Variants in SREK1 observed in about 807,000 individuals in gnomAD.
The protein encoded by SREK1 is splicing regulatory glutamic acid and lysine rich protein 1, also known as splicing regulatory glutamine/lysine-rich protein 1.
A neutral mutation model predicts 66.5 loss-of-function variants in SREK1; 13 were observed. That is an observed-to-expected ratio of 0.20 (90% CI 0.13 to 0.31). SREK1 has a LOEUF of 0.31. SREK1 is among the 10% of genes least tolerant of loss of function. The pLI, the probability that SREK1 is intolerant of heterozygous loss-of-function variation, is 1.00. For synonymous variants in SREK1, 265 were observed against 263.5 expected (o/e 1.01, Z -0.05); for missense variants, 607 against 769.6 (o/e 0.79, Z 2.50).
At chr5:66,164,669 G>T (rs754438273) in intron 6 of SREK1, 114 bp from the exon 7 acceptor site, 1 of 1,596,544 alleles carries the variant, frequency 6.3e-7, no homozygotes, top group African/African-American at 1.3e-5. Context: ...GGAGGAGGAT[G>T]TACAGAGAGT....
chr5:66,174,743 A>C, intron 9 of SREK1: 1 of 423,824 alleles, frequency 2.4e-6, no homozygotes, highest in Non-Finnish European at 4.2e-6. Flanking sequence ...TGATGTTTTC[A>C]TCAGTCTGTA....
At position 66,144,407 on chromosome 5, in the gene SREK1, T is replaced by G; in HGVS notation, c.31T>G (p.Leu11Val). 2 of 1,550,950 alleles carry G rather than the reference T, an allele frequency of 1.3e-6. No individual in the cohort carries two copies. The highest frequency in any genetic ancestry group is 1.7e-6 in the Non-Finnish European group (2 of 1,146,666). Residue 11 changes from leucine to valine, a missense_variant, in exon 1 of 12, where the codon TTA (leucine) becomes GTA (valine). Around this residue, in one of 5 missense-constraint regions of SREK1, gnomAD observed 75 missense variants for 72.9 expected, o/e 1.03. Transcript: ENST00000334121. ...CAGCGGCGGCGGCTTCGGTTTGGGC[T>G]TAGGCTTCGGCCTCACCCCCACGTC... is the stretch of plus-strand genomic sequence containing the variant. MNSGGGFGLG[L>V]GFGLTPTSVI...
intron 1 of SREK1, among the ~76,000 whole-genome samples, chr5:66,149,106 C>T (rs1021632852): frequency 3.9e-5 from 6 of 152,302 alleles, no homozygotes; most frequent in South Asian, 2.1e-4. Flanking sequence ...GTAATCCCAG[C>T]GCTTTGGGAA....
In SREK1 at chr5:66,144,790, A is replaced by G. The variant is rs1743008752; in HGVS notation, c.161+253A>G. The stretch of plus-strand genomic sequence containing the variant: ...TGGTTGCCCTTTCTGTGCCTCCGGG[A>G]CTTGTGTTCGCTGCTGGGTCTTCGA... On this transcript the variant is annotated intron_variant, in intron 1 of 11. Coordinates refer to ENST00000334121, the MANE Select transcript of SREK1 (RefSeq NM_001077199.3). 15 of 1,203,010 alleles carry G rather than the reference A, an allele frequency of 1.2e-5. 1 individual carries two copies. In the South Asian group the frequency reaches 3.9e-4, roughly 31 times the overall value. 74.5% of individuals were successfully genotyped at this position (1,203,010 alleles called of 1,614,324 possible). A position where few individuals can be genotyped will look rare whatever the true frequency, so the allele number is the denominator to read the frequency against.
chr5:66,164,928 T>C (rs776487787), intron 7 of SREK1, 31 bp downstream of exon 7: 1 of 1,563,500 alleles, frequency 6.4e-7, no homozygotes, highest in Non-Finnish European at 8.7e-7. Context: ...ATTTAAATTT[T>C]ATTTTAGTTT....
At chr5:66,167,708 A>G (rs1333477144) in intron 7 of SREK1, 6 of 152,230 alleles carry the variant, frequency 3.9e-5, no homozygotes, top group South Asian at 2.1e-4. Flanking sequence ...CCAAGTGATC[A>G]GTGCTTTTTA....
chr5:66,148,801 A>G (rs529895315), intron 1 of SREK1, among the ~76,000 whole-genome samples: 3 of 148,830 alleles, frequency 2.0e-5, no homozygotes, highest in African/African-American at 7.6e-5. Context: ...ACCAAATGGA[A>G]TATGTCATCC....
intron 2 of SREK1, among the ~76,000 whole-genome samples, chr5:66,153,966 G>T (rs1258716084): frequency 6.6e-6 from 1 of 152,120 alleles, no homozygotes; most frequent in African/African-American, 2.4e-5. Flanking sequence ...AATGAAAATA[G>T]TGTACACATT....
At chr5:66,165,111 C>T in intron 7 of SREK1, 1 of 418,132 alleles carries the variant, frequency 2.4e-6, no homozygotes, top group Non-Finnish European at 4.2e-6. Flanking sequence ...TTGAACTTAT[C>T]TTTATTTTTA....
rs140300327 is a variant in SREK1, at chr5:66,156,851, T to G, written c.296-2368T>G. ...GTTTTTGTTAGCTTGAATTTTTTGT[T>G]GAATATTTTTCAGAGGTTACTAGCT... On this transcript the variant is annotated intron_variant, in intron 2 of 11. Transcript: ENST00000334121. The G allele has an allele frequency of 9.5e-4, 936 of 985,354 alleles. 5 individuals carry two copies. In the African/African-American group the frequency reaches 0.014, roughly 15 times the overall value. 61.0% of individuals were successfully genotyped at this position (985,354 alleles called of 1,614,324 possible). A position where few individuals can be genotyped will look rare whatever the true frequency, so the allele number is the denominator to read the frequency against.
chr5:66,172,824 ATTTTTTTT>A (rs762670649), intron 9 of SREK1, among the ~76,000 whole-genome samples: 1 of 118,234 alleles, frequency 8.5e-6, no homozygotes, highest in African/African-American at 3.6e-5. Context: ...ATTTCTTTGA[ATTTTTTTT>A]TTTTTTTTTT....
intron 1 of SREK1, among the ~76,000 whole-genome samples, chr5:66,147,557 C>G (rs1261886477): frequency 1.3e-5 from 2 of 152,188 alleles, no homozygotes; most frequent in African/African-American, 2.4e-5. Flanking sequence ...ATTTGTAACA[C>G]TAGACATTTT....
chr5:66,164,608 G>T (rs1278433866), intron 6 of SREK1, 175 bp from the exon 7 acceptor site: 2 of 1,531,620 alleles, frequency 1.3e-6, no homozygotes, highest in Non-Finnish European at 1.8e-6. Flanking sequence ...ACTGCTGCAG[G>T]GTGGCTGCAC....
chr5:66,159,433 T>A, intron 3 of SREK1, 99 bp downstream of exon 3: 1 of 913,916 alleles, frequency 1.1e-6, no homozygotes, highest in Non-Finnish European at 1.5e-6. Context: ...TCTTCTTCTT[T>A]TTTTTTTTTT....
At chr5:66,168,316 G>T (rs1157377923) in intron 7 of SREK1, 1 of 152,034 alleles carries the variant, frequency 6.6e-6, no homozygotes, top group Non-Finnish European at 1.5e-5. Flanking sequence ...GGATTATTTG[G>T]AGGTTTTTCT....
At chr5:66,176,947 C>T (rs1016457122) in intron 10 of SREK1, among the ~76,000 whole-genome samples, 1 of 151,912 alleles carries the variant, frequency 6.6e-6, no homozygotes, top group Non-Finnish European at 1.5e-5. Flanking sequence ...GTGAGAATAA[C>T]GGAAGGCTTA....
At chr5:66,168,226 G>T (rs1448438743) in intron 7 of SREK1, 1 of 152,050 alleles carries the variant, frequency 6.6e-6, no homozygotes, top group African/African-American at 2.4e-5. Flanking sequence ...ATTTTGATTT[G>T]TAATGTTGAT....
At position 66,167,582 on chromosome 5, in the gene SREK1, C is replaced by T. The variant is rs964266895; in HGVS notation, c.1002-2469C>T. On this transcript the variant is annotated intron_variant, in intron 7 of 11. Coordinates refer to ENST00000334121, the MANE Select transcript of SREK1 (RefSeq NM_001077199.3). ...CTTGACTACTTCTAGCATTCTTAAT[C>T]AGAAAACTACTAGTGGGTAAGATTG... The T allele has an allele frequency of 2.0e-5, 3 of 152,156 alleles. No homozygotes were observed. In the East Asian group the frequency reaches 5.8e-4, roughly 29 times the overall value. 9.4% of individuals were successfully genotyped at this position (152,156 alleles called of 1,614,324 possible).
In SREK1 at chr5:66,162,612, G is replaced by T. The variant is rs201424258; in HGVS notation, c.755+20G>T. ...ACTGAAGTAAGAAATCCTAAACAAA[G>T]AAATTTTAATGATTTTGAAACATTT... On this transcript the variant is annotated intron_variant, in intron 5 of 11. Transcript: ENST00000334121. 4.5e-6 allele frequency: 7 copies of T among 1,553,192 alleles called. No individual in the cohort carries two copies. The African/African-American group carries it at 9.6e-5, about 21-fold the overall frequency.
Sources: gnomAD v4.1 joint callset for allele counts (sites outside exome capture counted in the v4.1 genomes callset) on GRCh38, gnomAD v4.1.1 for gene constraint, gnomAD v4.1.1 regional missense constraint, MANE v1.5 for transcripts, NCBI Gene and HGNC (gene_info 2026-07-23, HGNC 2026-07-21) for gene names.